The following MTMR2 variants were observed in gnomAD, a reference collection of about 807,000 sequenced individuals.
MTMR2 encodes myotubularin related protein 2, also known as phosphatidylinositol-3,5-bisphosphate 3-phosphatase MTMR2.
Under a neutral mutation model 86.9 loss-of-function variants are expected in MTMR2, and 55 were observed. The ratio of observed to expected loss-of-function variants is 0.63; its 90% CI spans 0.51 to 0.79. The LOEUF (loss-of-function observed/expected upper bound fraction) is 0.79. Among genes scored for constraint, MTMR2 ranks in the 30% least tolerant of loss-of-function variants. The pLI is 0.00. For synonymous variants in MTMR2, 241 were observed against 266.8 expected, an observed-to-expected ratio of 0.90 and a Z score of 0.94; for missense variants, 659 against 772.3, an observed-to-expected ratio of 0.85 and a Z score of 1.74.
intron 8 of MTMR2, 30 bp downstream of exon 8, chr11:95,850,570 T>C (rs770683895): frequency 2.5e-6 from 4 of 1,612,798 alleles, no homozygotes; most frequent in Middle Eastern, 1.6e-4. Flanking sequence ...AAAAAGCACT[T>C]GCAAAGGCTC....
chr11:95,909,220 T>TG lies in MTMR2; in HGVS notation c.80+14654dup, dbSNP rs879883911. On this transcript the variant is annotated intron_variant, in intron 1 of 14. Coordinates refer to ENST00000346299, the MANE Select transcript of MTMR2 (RefSeq NM_016156.6). ...AACAAAGTTATACAAACATTATTGG[T>TG]GGGGGGGGAAAATTACTCTCTATAT... 7.5e-4 allele frequency among the ~76,000 whole-genome samples: 114 copies of TG among 151,780 alleles called. 1 individual carries two copies. The highest frequency in any genetic ancestry group is 6.8e-3 in the Middle Eastern group (2 of 294).
chr11:95,869,323 C>A (rs1450631915), intron 2 of MTMR2, among the ~76,000 whole-genome samples: 2 of 151,770 alleles, frequency 1.3e-5, no homozygotes, highest in Non-Finnish European at 2.9e-5. Context: ...CTGGATGTAA[C>A]CCCATCATAG....
chr11:95,905,347 A>ATG (rs1866227196), intron 1 of MTMR2, among the ~76,000 whole-genome samples: 2 of 151,632 alleles, frequency 1.3e-5, no homozygotes, highest in Non-Finnish European at 2.9e-5. Flanking sequence ...ACACACACAC[A>ATG]CACACACACA....
intron 1 of MTMR2, among the ~76,000 whole-genome samples, chr11:95,892,347 C>G (rs1591028984): frequency 6.6e-6 from 1 of 152,076 alleles, no homozygotes; most frequent in East Asian, 1.9e-4. Flanking sequence ...TGGAGTGTTC[C>G]AAGAAGGTCT....
At position 95,920,639 on chromosome 11, in the gene MTMR2, T is replaced by C. The variant is rs529780107; in HGVS notation, c.80+3236A>G. Among the ~76,000 whole-genome samples, 114 of 151,940 alleles carry C rather than the reference T, an allele frequency of 7.5e-4. 1 individual carries two copies. Among genetic ancestry groups the C allele is most frequent in the Non-Finnish European group, 1.3e-3 (91 of 68,036 alleles). On this transcript the variant is annotated intron_variant, in intron 1 of 14. Coordinates refer to ENST00000346299, the MANE Select transcript of MTMR2 (RefSeq NM_016156.6). ...GGCATAACTGGAGACAAGAGAACTCTGAAATGACTACAGATACTTAGTAAG... is the reference window on the plus strand; with the variant it reads ...GGCATAACTGGAGACAAGAGAACTCCGAAATGACTACAGATACTTAGTAAG...
intron 3 of MTMR2, among the ~76,000 whole-genome samples, chr11:95,864,691 G>A (rs1312933450): frequency 6.6e-6 from 1 of 152,078 alleles, no homozygotes; most frequent in Non-Finnish European, 1.5e-5. Context: ...AAAAGACTGA[G>A]AGGTTATTCA....
At chr11:95,900,185 T>C (rs1021403049) in intron 1 of MTMR2, among the ~76,000 whole-genome samples, 1 of 152,162 alleles carries the variant, frequency 6.6e-6, no homozygotes, top group African/African-American at 2.4e-5. Flanking sequence ...TTTGATATCA[T>C]TGAACATTGA....
At chr11:95,875,373 T>G (rs1238361373) in intron 2 of MTMR2, among the ~76,000 whole-genome samples, 1 of 152,250 alleles carries the variant, frequency 6.6e-6, no homozygotes, top group Admixed American at 6.5e-5. Context: ...TACCCTTTAT[T>G]CCAGTTGATC....
At chr11:95,841,837 T>C (rs1863561506) in intron 11 of MTMR2, 128 bp from the exon 12 acceptor site, 1 of 737,594 alleles carries the variant, frequency 1.4e-6, no homozygotes. Context: ...GGTTTACACC[T>C]GTAATCCCAA....
intron 1 of MTMR2, among the ~76,000 whole-genome samples, chr11:95,914,591 A>C (rs1283260316): frequency 7.0e-6 from 1 of 143,210 alleles, no homozygotes; most frequent in Admixed American, 6.9e-5. Context: ...TTCTGTCAGA[A>C]GGCAAACAAA....
chr11:95,913,910 A>G (rs1866604085), intron 1 of MTMR2, among the ~76,000 whole-genome samples: 1 of 152,210 alleles, frequency 6.6e-6, no homozygotes, highest in Admixed American at 6.6e-5. Flanking sequence ...AGACCTTAGT[A>G]TCTATAACAT....
chr11:95,878,257 A>G (rs1865195796), intron 2 of MTMR2, among the ~76,000 whole-genome samples: 1 of 149,862 alleles, frequency 6.7e-6, no homozygotes, highest in African/African-American at 2.5e-5. Context: ...GTGGACACAG[A>G]AAAAGATTAG....
intron 2 of MTMR2, among the ~76,000 whole-genome samples, chr11:95,871,425 G>T (rs576470244): frequency 5.9e-5 from 9 of 152,030 alleles, no homozygotes; most frequent in African/African-American, 2.2e-4. Context: ...TTTAATGATC[G>T]CCATTCTAAC....
chr11:95,850,864 T>G, intron 7 of MTMR2, 115 bp from the exon 8 acceptor site: 1 of 978,660 alleles, frequency 1.0e-6, no homozygotes, highest in Non-Finnish European at 1.6e-6. Flanking sequence ...TCTCCTAAAG[T>G]GTTGGGATAG....
intron 1 of MTMR2, among the ~76,000 whole-genome samples, chr11:95,909,881 T>A (rs567582758): frequency 6.6e-5 from 10 of 152,014 alleles, no homozygotes; most frequent in Non-Finnish European, 1.2e-4. Flanking sequence ...AAGAAGAGAA[T>A]AGGAAGTCTA....
At chr11:95,842,269 C>G (rs1434349442) in intron 11 of MTMR2, among the ~76,000 whole-genome samples, 1 of 152,110 alleles carries the variant, frequency 6.6e-6, no homozygotes, top group Non-Finnish European at 1.5e-5. Context: ...TAAAAGGTTG[C>G]TAATAAAAGA....
At chr11:95,920,344 A>C (rs1251333000) in intron 1 of MTMR2, among the ~76,000 whole-genome samples, 1 of 152,118 alleles carries the variant, frequency 6.6e-6, no homozygotes, top group African/African-American at 2.4e-5. Context: ...GTCTCACTCT[A>C]TTGCCCACTC....
intron 3 of MTMR2, chr11:95,865,394 T>C: frequency 1.7e-6 from 1 of 577,860 alleles, no homozygotes; most frequent in South Asian, 2.4e-5. Flanking sequence ...ATTTGCATGT[T>C]TCCCAGGAGT....
In MTMR2 at chr11:95,904,040, G is replaced by A. The variant is rs112236978; in HGVS notation, c.81-15779C>T. On this transcript the variant is annotated intron_variant, in intron 1 of 14. Transcript: ENST00000346299. The stretch of plus-strand genomic sequence containing the variant: ...TGAGGCAGGAGAATCACTTGAACCC[G>A]GGAGGTGGAGGTTGCAGTGGGCCAA... Among the ~76,000 whole-genome samples, 285 of 152,162 alleles carry A rather than the reference G, an allele frequency of 1.9e-3. 1 individual carries two copies. The highest frequency in any genetic ancestry group is 6.3e-3 in the African/African-American group (263 of 41,518).
Sources: gnomAD v4.1 joint callset for allele counts (sites outside exome capture counted in the v4.1 genomes callset) on GRCh38, gnomAD v4.1.1 for gene constraint, MANE v1.5 for transcripts, NCBI Gene and HGNC (gene_info 2026-07-23, HGNC 2026-07-21) for gene names.